Variants in PPM1E observed in about 807,000 individuals in gnomAD.
PPM1E encodes protein phosphatase 1E.
Under a neutral mutation model 65.9 loss-of-function variants are expected in PPM1E, and 20 were observed. The observed-to-expected ratio is 0.30, with a 90% CI of 0.21 to 0.44. The LOEUF (loss-of-function observed/expected upper bound fraction) is 0.44, where lower values mean the gene tolerates loss of function less well. Among genes scored for constraint, PPM1E ranks in the 20% least tolerant of loss-of-function variants. The probability of loss-of-function intolerance (pLI) is 1.00; values close to 1 mark genes in which losing one functional copy is unlikely to be tolerated. For synonymous variants in PPM1E, 352 were observed against 374.9 expected (o/e 0.94, Z 0.70); for missense variants, 713 against 953.1 (o/e 0.75, Z 3.32).
chr17:58,793,646 G>C (rs2050178051), intron 1 of PPM1E, among the ~76,000 whole-genome samples: 1 of 151,802 alleles, frequency 6.6e-6, no homozygotes, highest in Non-Finnish European at 1.5e-5. Flanking sequence ...ATGAGCCACT[G>C]TGCCTGGCCA....
intron 1 of PPM1E, among the ~76,000 whole-genome samples, chr17:58,794,875 T>C (rs1313039706): frequency 1.3e-5 from 2 of 151,390 alleles, no homozygotes; most frequent in African/African-American, 2.4e-5. Flanking sequence ...GATGAACATA[T>C]ATGTACATGT....
chr17:58,756,491 GCCC>G (rs2049765948), intron 1 of PPM1E, 30 bp downstream of exon 1: 1 of 1,266,730 alleles, frequency 7.9e-7, no homozygotes, highest in African/African-American at 1.6e-5. Flanking sequence ...CTGGTGGTGG[GCCC>G]GCGGTCCCCA....
intron 1 of PPM1E, among the ~76,000 whole-genome samples, chr17:58,807,306 G>A (rs768601698): frequency 3.0e-4 from 45 of 151,960 alleles, no homozygotes; most frequent in Non-Finnish European, 6.2e-4. Context: ...ACTATATCTT[G>A]TATATTACTA....
chr17:58,804,323 A>G (rs2050285232), intron 1 of PPM1E, among the ~76,000 whole-genome samples: 1 of 152,196 alleles, frequency 6.6e-6, no homozygotes, highest in Non-Finnish European at 1.5e-5. Context: ...ATTATAGGTG[A>G]TATCTATCAT....
intron 1 of PPM1E, among the ~76,000 whole-genome samples, chr17:58,937,704 G>A (rs1317054912): frequency 2.0e-5 from 3 of 149,382 alleles, no homozygotes; most frequent in Admixed American, 1.3e-4. Context: ...GTGAAACCCC[G>A]TCTCTACTAA....
At chr17:58,900,028 CAAAA>C (rs796479802) in intron 1 of PPM1E, among the ~76,000 whole-genome samples, 2 of 97,050 alleles carry the variant, frequency 2.1e-5, no homozygotes, top group African/African-American at 3.8e-5. Flanking sequence ...GATACAGTCT[CAAAA>C]AAAAAAAAAA....
chr17:58,788,113 C>T lies in PPM1E; in HGVS notation c.464+31652C>T, dbSNP rs114659055. On this transcript the variant is annotated intron_variant, in intron 1 of 6. Transcript: ENST00000308249. ...TCGCCCAAGCTGGAGTGCAGTAGCC[C>T]GATCTCAGCTCACTGCAACCTCTGT... 1.3e-4 allele frequency among the ~76,000 whole-genome samples: 20 copies of T among 151,948 alleles called. No homozygotes were observed. The South Asian group carries it at 2.7e-3, about 21-fold the overall frequency.
intron 1 of PPM1E, among the ~76,000 whole-genome samples, chr17:58,945,492 T>C (rs1215257381): frequency 6.6e-6 from 1 of 152,086 alleles, no homozygotes; most frequent in African/African-American, 2.4e-5. Flanking sequence ...ACCAACCAAT[T>C]CTCCATTTCT....
At chr17:58,796,610 TTAAG>T (rs34438525) in intron 1 of PPM1E, among the ~76,000 whole-genome samples, 49,919 of 151,492 alleles carry the variant, frequency 0.33, 8,637 homozygotes, top group East Asian at 0.48. Flanking sequence ...TATCTTTTAA[TTAAG>T]TATTATTTAC....
intron 1 of PPM1E, among the ~76,000 whole-genome samples, chr17:58,806,876 T>C (rs1361795908): frequency 6.6e-6 from 1 of 151,446 alleles, no homozygotes; most frequent in Non-Finnish European, 1.5e-5. Flanking sequence ...TGTTTTTTTT[T>C]TTGTATTTTT....
intron 1 of PPM1E, among the ~76,000 whole-genome samples, chr17:58,907,018 C>T (rs1290285055): frequency 6.6e-6 from 1 of 152,108 alleles, no homozygotes; most frequent in South Asian, 2.1e-4. Flanking sequence ...AAGTGGATCA[C>T]GAGGTCAGGA....
In PPM1E at chr17:58,876,845, G is replaced by A. The variant is rs187897551; in HGVS notation, c.465-78804G>A. On this transcript the variant is annotated intron_variant, in intron 1 of 6. Transcript: ENST00000308249. ...GTCCGCCAGGCTGGAGTGCAGTGGC[G>A]CGATCTCGGCTCACTGCAAGCTCCG... Among the ~76,000 whole-genome samples the A allele has an allele frequency of 1.2e-4, 18 of 152,106 alleles. No homozygotes were observed. The East Asian group carries it at 2.3e-3, about 20-fold the overall frequency.
At chr17:58,833,891 G>A (rs1377378988) in intron 1 of PPM1E, among the ~76,000 whole-genome samples, 2 of 152,002 alleles carry the variant, frequency 1.3e-5, no homozygotes, top group South Asian at 2.1e-4. Context: ...CAGCCTTTCC[G>A]ACATCTGTTG....
chr17:58,817,991 G>A (rs149815734), intron 1 of PPM1E, among the ~76,000 whole-genome samples: 2,311 of 152,014 alleles, frequency 0.015, 54 homozygotes, highest in African/African-American at 0.052. Flanking sequence ...CACCCGCCTC[G>A]GCCTCCCAAA....
At chr17:58,765,109 A>G (rs1345582892) in intron 1 of PPM1E, among the ~76,000 whole-genome samples, 9 of 151,276 alleles carry the variant, frequency 5.9e-5, no homozygotes, top group Non-Finnish European at 8.8e-5. Flanking sequence ...TCAACTAGCT[A>G]TAGAAACGTT....
intron 1 of PPM1E, among the ~76,000 whole-genome samples, chr17:58,856,319 A>G (rs1377370274): frequency 6.6e-6 from 1 of 152,086 alleles, no homozygotes; most frequent in Admixed American, 6.6e-5. Flanking sequence ...TGCTCACTGC[A>G]GCCCCCACCT....
intron 1 of PPM1E, among the ~76,000 whole-genome samples, chr17:58,820,533 A>C (rs2050469283): frequency 6.6e-6 from 1 of 152,218 alleles, no homozygotes; most frequent in African/African-American, 2.4e-5. Flanking sequence ...TTGAGATTCA[A>C]CTGTAAAAGA....
intron 4 of PPM1E, among the ~76,000 whole-genome samples, chr17:58,971,391 T>A (rs2030610349): frequency 6.6e-6 from 1 of 152,206 alleles, no homozygotes; most frequent in Non-Finnish European, 1.5e-5. Context: ...TAACAGAAAG[T>A]CATGCTCATT....
At chr17:58,906,622 G>A (rs2051561298) in intron 1 of PPM1E, among the ~76,000 whole-genome samples, 1 of 152,098 alleles carries the variant, frequency 6.6e-6, no homozygotes, top group Admixed American at 6.5e-5. Context: ...ACAGGTATGA[G>A]CCACTGTGCC....
Sources: allele counts gnomAD v4.1 joint callset (sites outside exome capture counted in the v4.1 genomes callset), GRCh38; gene constraint gnomAD v4.1.1; transcripts MANE v1.5; gene names NCBI Gene and HGNC (gene_info 2026-07-23, HGNC 2026-07-21).